Variants in EBAG9 observed in about 807,000 individuals in gnomAD.
The protein encoded by EBAG9 is receptor-binding cancer antigen expressed on SiSo cells.
EBAG9 carries 16 observed loss-of-function variants against 30.9 expected under a neutral mutation model. The observed-to-expected ratio is 0.52, with a 90% CI of 0.35 to 0.79. EBAG9 has a LOEUF of 0.79. EBAG9 is among the 30% of genes least tolerant of loss of function. The pLI is 0.01. For missense variants in EBAG9, 197 were observed against 242.1 expected, an observed-to-expected ratio of 0.81 and a Z score of 1.24; for synonymous variants, 93 against 82.8, an observed-to-expected ratio of 1.12 and a Z score of -0.67.
At chr8:109,564,387 G>A in intron 6 of EBAG9, 52 bp from the exon 7 acceptor site, 1 of 1,583,672 alleles carries the variant, frequency 6.3e-7, no homozygotes, top group Non-Finnish European at 8.6e-7. Flanking sequence ...GAATTTATTT[G>A]CCATTTTACC....
intron 1 of EBAG9, among the ~76,000 whole-genome samples, chr8:109,545,792 T>C (rs1039359114): frequency 1.3e-5 from 2 of 152,208 alleles, no homozygotes; most frequent in African/African-American, 4.8e-5. Context: ...GAGTGTGATA[T>C]TTAAGGACTG....
At chr8:109,547,782 G>C (rs1195951159) in intron 1 of EBAG9, among the ~76,000 whole-genome samples, 5 of 151,994 alleles carry the variant, frequency 3.3e-5, no homozygotes, top group African/African-American at 1.2e-4. Flanking sequence ...GCCTGGCCTT[G>C]TATATGTTTT....
chr8:109,554,986 T>A, intron 4 of EBAG9, 99 bp downstream of exon 4: 6 of 311,880 alleles, frequency 1.9e-5, no homozygotes, highest in Non-Finnish European at 2.5e-5. Context: ...AGCCTATTTC[T>A]TTTTTTTTTT....
intron 1 of EBAG9, among the ~76,000 whole-genome samples, chr8:109,544,756 C>T (rs928223301): frequency 5.3e-5 from 8 of 152,296 alleles, no homozygotes; most frequent in Admixed American, 1.3e-4. Flanking sequence ...TTCTACCTCT[C>T]AACAGTGGAA....
chr8:109,551,757 A>G (rs1326254705), intron 2 of EBAG9, among the ~76,000 whole-genome samples: 1 of 152,200 alleles, frequency 6.6e-6, no homozygotes, highest in Non-Finnish European at 1.5e-5. Context: ...TTAATGTAGA[A>G]CTGAAAACAA....
At position 109,548,412 on chromosome 8, in the gene EBAG9, G is replaced by A. The variant is rs543272293; in HGVS notation, c.-15-2398G>A. Among the ~76,000 whole-genome samples the A allele has an allele frequency of 6.3e-4, 96 of 152,204 alleles. 1 individual carries two copies. The South Asian group carries it at 7.5e-3, about 12-fold the overall frequency. On this transcript the variant is annotated intron_variant, in intron 1 of 6. Transcript: ENST00000337573. ...AGCTTTATAACAAGTCTTGAAACCAGATAGTGCTAGCTGTTTTACCTTGTT... is the reference window on the plus strand; with the variant it reads ...AGCTTTATAACAAGTCTTGAAACCAAATAGTGCTAGCTGTTTTACCTTGTT...
chr8:109,563,640 A>C lies in EBAG9; in HGVS notation c.522-799A>C, dbSNP rs1034287058. 6.6e-6 allele frequency: 8 copies of C among 1,211,682 alleles called. No homozygotes were observed. In the Admixed American group the frequency reaches 7.9e-5, roughly 12 times the overall value. 75.1% of individuals were successfully genotyped at this position (1,211,682 alleles called of 1,614,324 possible). Reference sequence around the variant, plus strand: ...TGTGCAGGATGTGCAGGTTTGTTACACAGGTAAACATGTGTCAAGGGGGTT... The same window carrying C: ...TGTGCAGGATGTGCAGGTTTGTTACCCAGGTAAACATGTGTCAAGGGGGTT... On this transcript the variant is annotated intron_variant, in intron 6 of 6. Transcript: ENST00000337573.
chr8:109,551,026 G>A (rs2131111840), intron 2 of EBAG9, 119 bp downstream of exon 2: 1 of 622,888 alleles, frequency 1.6e-6, no homozygotes, highest in East Asian at 3.0e-5. Flanking sequence ...CTTGATTGCA[G>A]TATTTATTCA....
rs1420320650 is a variant in EBAG9 at position 109,546,124 on chromosome 8, G to A, written c.-15-4686G>A. 2.6e-5 allele frequency among the ~76,000 whole-genome samples: 4 copies of A among 152,148 alleles called. No individual in the cohort carries two copies. In the East Asian group the frequency reaches 7.7e-4, roughly 29 times the overall value. On this transcript the variant is annotated intron_variant, in intron 1 of 6. Coordinates refer to ENST00000337573, the MANE Select transcript of EBAG9 (RefSeq NM_004215.5). ...TCACTAATTGTCCTAGTTTCCTAATGGAAGTTGGCTTTCTAGAAAGTAACA... is the reference window on the plus strand; with the variant it reads ...TCACTAATTGTCCTAGTTTCCTAATAGAAGTTGGCTTTCTAGAAAGTAACA...
At chr8:109,564,404 G>C (rs1281025331) in intron 6 of EBAG9, 35 bp from the exon 7 acceptor site, 1 of 1,603,304 alleles carries the variant, frequency 6.2e-7, no homozygotes, top group South Asian at 1.1e-5. Flanking sequence ...TACCTGTTTG[G>C]TATTTTCTAA....
intron 4 of EBAG9, among the ~76,000 whole-genome samples, chr8:109,556,396 G>A (rs1351330235): frequency 6.6e-6 from 1 of 152,084 alleles, no homozygotes; most frequent in Non-Finnish European, 1.5e-5. Flanking sequence ...TCCTTTAAGT[G>A]AGTTTCTTAA....
At position 109,565,756 on chromosome 8, in the gene EBAG9, C is replaced by T. The variant is rs1224722447; in HGVS notation, c.*1197C>T. 3.9e-5 allele frequency: 6 copies of T among 152,036 alleles called. No homozygotes were observed. Among genetic ancestry groups the T allele is most frequent in the Non-Finnish European group, 8.8e-5 (6 of 67,948 alleles). 9.4% of individuals were successfully genotyped at this position (152,036 alleles called of 1,614,324 possible). ...AACATTCGGTGAGATTTTGAAATGT[C>T]ATAGATACTGTACAGGCCAAACCTT... On this transcript the variant is annotated 3_prime_UTR_variant, in exon 7 of 7. Coordinates refer to ENST00000337573, the MANE Select transcript of EBAG9 (RefSeq NM_004215.5).
At chr8:109,549,228 C>A (rs1821446657) in intron 1 of EBAG9, among the ~76,000 whole-genome samples, 1 of 151,922 alleles carries the variant, frequency 6.6e-6, no homozygotes, top group Non-Finnish European at 1.5e-5. Flanking sequence ...TTAAACCAAT[C>A]CAACATTTCC....
chr8:109,539,858 TGC>T, upstream of EBAG9: 1 of 151,616 alleles, frequency 6.6e-6, no homozygotes, highest in Non-Finnish European at 1.5e-5. Context: ...GCGCCTTGTG[TGC>T]GCGCGCGGCC....
rs115881064 is a variant in EBAG9 at position 109,558,675 on chromosome 8, A to G, written c.429+1633A>G. 9.2e-3 allele frequency among the ~76,000 whole-genome samples: 1,404 copies of G among 152,224 alleles called. 14 individuals carry two copies. Among genetic ancestry groups the G allele is most frequent in the African/African-American group, 0.032 (1,315 of 41,532 alleles). On this transcript the variant is annotated intron_variant, in intron 5 of 6. Coordinates refer to ENST00000337573, the MANE Select transcript of EBAG9 (RefSeq NM_004215.5). Reference sequence around the variant, plus strand: ...TTCCACGTATTTTCCTCCCAAGCAGACAGAATAAAGGGGCATTGCATAGGA... The same window carrying G: ...TTCCACGTATTTTCCTCCCAAGCAGGCAGAATAAAGGGGCATTGCATAGGA...
At chr8:109,558,518 T>G (rs991373896) in intron 5 of EBAG9, among the ~76,000 whole-genome samples, 1 of 152,168 alleles carries the variant, frequency 6.6e-6, no homozygotes, top group Non-Finnish European at 1.5e-5. Context: ...TCCCACCCAC[T>G]GAATTAGCAA....
Position 109,554,397 on chromosome 8 carries a change from A to G in EBAG9, c.163-332A>G, listed in dbSNP as rs557902197. On this transcript the variant is annotated intron_variant, in intron 3 of 6. Coordinates refer to ENST00000337573, the MANE Select transcript of EBAG9 (RefSeq NM_004215.5). The stretch of plus-strand genomic sequence containing the variant: ...CTTGGTATTTTTTATCAGATGATCA[A>G]TCTGGATAGGCTTGGGTGAAAATGT... Among the ~76,000 whole-genome samples, 25 of 152,312 alleles carry G rather than the reference A, an allele frequency of 1.6e-4. No individual in the cohort carries two copies. In the South Asian group the frequency reaches 5.0e-3, roughly 30 times the overall value.
In EBAG9 at chr8:109,560,831, A is replaced by G; in HGVS notation, c.430-7A>G. The G allele has an allele frequency of 6.2e-7, 1 of 1,607,180 alleles. No individual in the cohort carries two copies. The highest frequency in any genetic ancestry group is 8.5e-7 in the Non-Finnish European group (1 of 1,174,690). On this transcript the variant is annotated splice_polypyrimidine_tract_variant and splice_region_variant and intron_variant, in intron 5 of 6. Coordinates refer to ENST00000337573, the MANE Select transcript of EBAG9 (RefSeq NM_004215.5). ...CTCTCTTAATTTTGTTTTACTTTTC[A>G]TTGTAGTCTGAATTAGGTGACTTAG...
At chr8:109,557,125 T>A in intron 5 of EBAG9, 83 bp downstream of exon 5, 1 of 786,876 alleles carries the variant, frequency 1.3e-6, no homozygotes, top group Non-Finnish European at 1.9e-6. Flanking sequence ...TAAATGAGTT[T>A]AACATAGTAT....
Sources: gnomAD v4.1 joint callset for allele counts (sites outside exome capture counted in the v4.1 genomes callset) on GRCh38, gnomAD v4.1.1 for gene constraint, MANE v1.5 for transcripts, NCBI Gene and HGNC (gene_info 2026-07-23, HGNC 2026-07-21) for gene names.